The following TSPEAR variants were observed in gnomAD, a reference collection of about 807,000 sequenced individuals.
TSPEAR encodes thrombospondin-type laminin G domain and EAR repeat-containing protein.
In TSPEAR, 69 loss-of-function variants were observed where a neutral mutation model predicts 71.6. The observed-to-expected ratio is 0.96, with a 90% CI of 0.79 to 1.18. TSPEAR has a LOEUF of 1.18. TSPEAR is among the 50% of genes most tolerant of loss of function. TSPEAR has a pLI of 0.00. For missense variants in TSPEAR, 971 were observed against 894.9 expected (o/e 1.09, Z -1.09); for synonymous variants, 402 against 387.2 (o/e 1.04, Z -0.45).
intron 2 of TSPEAR, chr21:44,539,661 A>G (rs1601387245): frequency 6.3e-7 from 1 of 1,595,838 alleles, no homozygotes; most frequent in Admixed American, 1.7e-5. Flanking sequence ...GACTGCTGGC[A>G]GCATGAAGAG....
chr21:44,500,145 G>A (rs909171021), intron 11 of TSPEAR, among the ~76,000 whole-genome samples: 8 of 152,202 alleles, frequency 5.3e-5, no homozygotes, highest in Admixed American at 5.2e-4. Flanking sequence ...GCCCAGAAGA[G>A]GAAAGATTCC....
intron 9 of TSPEAR, among the ~76,000 whole-genome samples, chr21:44,514,875 AT>A (rs1412952772): frequency 6.6e-6 from 1 of 152,116 alleles, no homozygotes; most frequent in African/African-American, 2.4e-5. Context: ...CTCCTCACTC[AT>A]ATCTGCCCTG....
At chr21:44,654,049 T>C (rs945828327) in intron 1 of TSPEAR, among the ~76,000 whole-genome samples, 11 of 152,298 alleles carry the variant, frequency 7.2e-5, no homozygotes, top group African/African-American at 2.6e-4. Flanking sequence ...CATCAGACAG[T>C]GCGGAGGGCC....
chr21:44,646,182 G>A (rs1198097306), intron 1 of TSPEAR, among the ~76,000 whole-genome samples: 3 of 145,360 alleles, frequency 2.1e-5, no homozygotes, highest in Non-Finnish European at 3.0e-5. Context: ...CATTTCTGTG[G>A]CCAAAATAAA....
intron 1 of TSPEAR, among the ~76,000 whole-genome samples, chr21:44,569,535 G>T (rs1326327894): frequency 2.6e-5 from 4 of 151,612 alleles, no homozygotes; most frequent in Middle Eastern, 3.2e-3. Context: ...GGGCAGGGGT[G>T]TGTGTGTGTG....
At chr21:44,508,304 C>T (rs979788648) in intron 10 of TSPEAR, 2 of 197,168 alleles carry the variant, frequency 1.0e-5, no homozygotes, top group South Asian at 1.6e-4. Flanking sequence ...CTCGAAGGGT[C>T]TAAAGGTATG....
chr21:44,699,083 A>C (rs1378204210), intron 1 of TSPEAR, among the ~76,000 whole-genome samples: 1 of 152,096 alleles, frequency 6.6e-6, no homozygotes, highest in African/African-American at 2.4e-5. Context: ...CTGTGGTACC[A>C]CCTACCCGGG....
At position 44,642,305 on chromosome 21, in the gene TSPEAR, T is replaced by C. The variant is rs920645267; in HGVS notation, c.82+69128A>G. On this transcript the variant is annotated intron_variant, in intron 1 of 11. Transcript: ENST00000323084. This position sits in a 1 kb window ranked among gnomAD's most constrained non-coding sequence, Gnocchi z 4.1. ...AAAGATGTATACCATCAGCCTTCAA[T>C]ACAAAGACTTTTCTGTGATACTTGA... is the stretch of plus-strand genomic sequence containing the variant. Among the ~76,000 whole-genome samples the C allele has an allele frequency of 5.3e-5, 8 of 152,184 alleles. No individual in the cohort carries two copies. The highest frequency in any genetic ancestry group is 2.0e-4 in the Admixed American group (3 of 15,280).
intron 2 of TSPEAR, among the ~76,000 whole-genome samples, chr21:44,563,670 G>A (rs2053668301): frequency 6.6e-6 from 1 of 152,104 alleles, no homozygotes; most frequent in Admixed American, 6.6e-5. Context: ...TTCAAGTACA[G>A]TTGATTTTCA....
At chr21:44,694,821 G>T (rs1987262778) in intron 1 of TSPEAR, among the ~76,000 whole-genome samples, 1 of 152,186 alleles carries the variant, frequency 6.6e-6, no homozygotes, top group South Asian at 2.1e-4. Context: ...GCTCGTGGAG[G>T]AAGTGGGGAG....
intron 1 of TSPEAR, chr21:44,638,222 C>A (rs781801133): frequency 1.9e-6 from 3 of 1,562,692 alleles, no homozygotes; most frequent in Non-Finnish European, 2.6e-6. Context: ...GCTGACCTCC[C>A]AGCTGCCCCA....
intron 1 of TSPEAR, chr21:44,580,585 G>T: frequency 1.2e-6 from 2 of 1,604,196 alleles, no homozygotes; most frequent in South Asian, 2.3e-5. Flanking sequence ...CCATGCTGGG[G>T]TGGGGAAGAC....
chr21:44,521,617 C>T (rs1417197968), intron 9 of TSPEAR, among the ~76,000 whole-genome samples: 1 of 152,254 alleles, frequency 6.6e-6, no homozygotes, highest in African/African-American at 2.4e-5. Flanking sequence ...GGGGCAGAGC[C>T]AGGGTGCGCC....
At chr21:44,545,279 C>A (rs1555917639) in intron 2 of TSPEAR, among the ~76,000 whole-genome samples, 1 of 151,662 alleles carries the variant, frequency 6.6e-6, no homozygotes, top group Non-Finnish European at 1.5e-5. Context: ...TATCGTGCCA[C>A]TGCACTCCAG....
intron 1 of TSPEAR, among the ~76,000 whole-genome samples, chr21:44,652,518 A>G (rs1282238790): frequency 6.6e-6 from 1 of 152,050 alleles, no homozygotes; most frequent in Non-Finnish European, 1.5e-5. Flanking sequence ...CAGTTAGTTC[A>G]TTTTACTTCT....
intron 1 of TSPEAR, chr21:44,601,909 A>G: frequency 1.0e-6 from 1 of 954,792 alleles, no homozygotes; most frequent in Non-Finnish European, 1.5e-6. Context: ...TGTTTCTCCA[A>G]GTCTTGACTT....
chr21:44,567,723 C>A, intron 2 of TSPEAR, 62 bp downstream of exon 2: 1 of 1,438,738 alleles, frequency 7.0e-7, no homozygotes, highest in Non-Finnish European at 9.4e-7. Context: ...CGCGTTGGTA[C>A]TGGGAACCTC....
chr21:44,660,836 G>A (rs1221332091), intron 1 of TSPEAR, among the ~76,000 whole-genome samples: 5 of 152,030 alleles, frequency 3.3e-5, no homozygotes, highest in Admixed American at 2.6e-4. Flanking sequence ...GCATGGTGGT[G>A]GGCCCCTGTA....
At chr21:44,534,917 CCA>C (rs782318774) in intron 2 of TSPEAR, among the ~76,000 whole-genome samples, 5 of 152,168 alleles carry the variant, frequency 3.3e-5, no homozygotes, top group Non-Finnish European at 5.9e-5. Flanking sequence ...TGTGGTCCAA[CCA>C]CACAGTGGAA....
Sources: gnomAD v4.1 joint callset for allele counts (sites outside exome capture counted in the v4.1 genomes callset) on GRCh38, gnomAD v4.1.1 for gene constraint, Gnocchi (gnomAD v3.1) non-coding constraint, MANE v1.5 for transcripts, NCBI Gene and HGNC (gene_info 2026-07-23, HGNC 2026-07-21) for gene names.